The following MICU3 variants were observed in gnomAD, a reference collection of about 807,000 sequenced individuals.
MICU3 encodes mitochondrial calcium uptake 3.
Under a neutral mutation model 66.5 loss-of-function variants are expected in MICU3, and 62 were observed. That is an observed-to-expected ratio of 0.93 (90% CI 0.76 to 1.15). The LOEUF is 1.15. Ranked by LOEUF, MICU3 falls within the 50% of genes most tolerant of loss-of-function variation. The probability of loss-of-function intolerance (pLI) is 0.00; values close to 1 mark genes in which losing one functional copy is unlikely to be tolerated. For synonymous variants in MICU3, 308 were observed against 240.7 expected (o/e 1.28, Z -2.59); for missense variants, 779 against 664.4 (o/e 1.17, Z -1.90).
downstream of MICU3, among the ~76,000 whole-genome samples, chr8:17,126,572 T>A (rs1172561562): frequency 6.6e-6 from 1 of 152,198 alleles, no homozygotes; most frequent in East Asian, 1.9e-4. Context: ...TTATATTTAA[T>A]GAGCTGTTAT....
chr8:17,058,597 A>G (rs984925365), intron 1 of MICU3, among the ~76,000 whole-genome samples: 1 of 152,060 alleles, frequency 6.6e-6, no homozygotes, highest in Non-Finnish European at 1.5e-5. Context: ...GGTTTTTTTA[A>G]ACTTTGGAAA....
At chr8:17,116,700 T>C (rs1802714319) in intron 13 of MICU3, 100 bp downstream of exon 13, 2 of 902,284 alleles carry the variant, frequency 2.2e-6, no homozygotes, top group South Asian at 1.9e-5. Flanking sequence ...TTCTTAAGGA[T>C]ATAAACATGA....
the MICU3 span, chr8:17,132,720 G>A: frequency 6.6e-6 from 1 of 152,224 alleles, no homozygotes; most frequent in South Asian, 2.1e-4. Context: ...TAAGAACTCA[G>A]ATCTCTGAAA....
chr8:17,118,809 G>GT, intron 14 of MICU3, 34 bp downstream of exon 14: 1 of 1,235,562 alleles, frequency 8.1e-7, no homozygotes, highest in Non-Finnish European at 1.2e-6. Flanking sequence ...AATTTGTTCA[G>GT]TAACAATAGG....
the MICU3 span, among the ~76,000 whole-genome samples, chr8:17,135,764 C>T: frequency 6.6e-5 from 10 of 152,008 alleles, no homozygotes; most frequent in Admixed American, 3.3e-4. Context: ...AGAAAGTATC[C>T]TTTATTTCCT....
At chr8:17,029,969 T>G (rs1219639081) in intron 1 of MICU3, among the ~76,000 whole-genome samples, 1 of 152,200 alleles carries the variant, frequency 6.6e-6, no homozygotes, top group African/African-American at 2.4e-5. Flanking sequence ...TTTATTTGTT[T>G]TTATAGCAGA....
At position 17,067,461 on chromosome 8, in the gene MICU3, G is replaced by A. The variant is rs183913940; in HGVS notation, c.536-2227G>A. On this transcript the variant is annotated intron_variant, in intron 2 of 14. Coordinates refer to ENST00000318063, the MANE Select transcript of MICU3 (RefSeq NM_181723.3). Reference sequence around the variant, plus strand: ...TTTTTTTTTCCCCAAGAGGAGACTCGCTCTGTCAACTAGGCTGGACCGCAA... The same window carrying A: ...TTTTTTTTTCCCCAAGAGGAGACTCACTCTGTCAACTAGGCTGGACCGCAA... 7.3e-5 allele frequency among the ~76,000 whole-genome samples: 11 copies of A among 150,548 alleles called. No individual in the cohort carries two copies. In the East Asian group the frequency reaches 1.4e-3, roughly 19 times the overall value.
intron 6 of MICU3, among the ~76,000 whole-genome samples, chr8:17,086,380 G>A (rs1799470359): frequency 2.6e-5 from 4 of 152,038 alleles, no homozygotes; most frequent in Admixed American, 2.6e-4. Context: ...TTATCAGTAG[G>A]CTTAAACTCT....
chr8:17,137,505 A>G, the MICU3 span, among the ~76,000 whole-genome samples: 2 of 130,720 alleles, frequency 1.5e-5, no homozygotes, highest in African/African-American at 5.7e-5. Context: ...AAACCACACT[A>G]TTTCCTGCTT....
At chr8:17,089,713 G>A (rs907792944) in intron 7 of MICU3, among the ~76,000 whole-genome samples, 2 of 151,880 alleles carry the variant, frequency 1.3e-5, no homozygotes, top group East Asian at 1.9e-4. Context: ...TCATTTGTAC[G>A]ATGGGGGCAT....
intron 1 of MICU3, among the ~76,000 whole-genome samples, chr8:17,059,523 C>T (rs1274369319): frequency 3.3e-5 from 5 of 151,926 alleles, no homozygotes; most frequent in South Asian, 2.1e-4. Flanking sequence ...AATAAGGCAA[C>T]GAAAATGAGA....
intron 11 of MICU3, among the ~76,000 whole-genome samples, chr8:17,112,815 G>A (rs1310267341): frequency 6.6e-6 from 1 of 152,184 alleles, no homozygotes; most frequent in Non-Finnish European, 1.5e-5. Context: ...TATGGCAGCA[G>A]GTCGCAGCAT....
chr8:17,120,000 G>T (rs1238994256), intron 14 of MICU3, among the ~76,000 whole-genome samples: 2 of 152,106 alleles, frequency 1.3e-5, no homozygotes, highest in Admixed American at 6.6e-5. Flanking sequence ...GTCCACACAG[G>T]TAGTGTTCCC....
At chr8:17,115,396 C>T (rs1802589285) in intron 12 of MICU3, among the ~76,000 whole-genome samples, 2 of 152,118 alleles carry the variant, frequency 1.3e-5, no homozygotes, top group African/African-American at 4.8e-5. Flanking sequence ...ACAGACTAGC[C>T]ATTACTGCTG....
chr8:17,054,898 C>G (rs903461537), intron 1 of MICU3, among the ~76,000 whole-genome samples: 1 of 151,846 alleles, frequency 6.6e-6, no homozygotes, highest in Non-Finnish European at 1.5e-5. Flanking sequence ...GCCACCATGC[C>G]CGGCTAATTT....
the MICU3 span, among the ~76,000 whole-genome samples, chr8:17,130,097 G>T: frequency 6.6e-6 from 1 of 152,158 alleles, no homozygotes; most frequent in South Asian, 2.1e-4. Flanking sequence ...CTGCACACTG[G>T]AAGAGTTAAA....
intron 10 of MICU3, among the ~76,000 whole-genome samples, 199 bp downstream of exon 10, chr8:17,104,690 A>AT (rs1170921821): frequency 6.6e-6 from 1 of 151,740 alleles, no homozygotes; most frequent in African/African-American, 2.4e-5. Context: ...AAGTTACTGA[A>AT]TTTTTTTAAA....
intron 1 of MICU3, among the ~76,000 whole-genome samples, chr8:17,029,049 G>A (rs995761754): frequency 3.7e-4 from 56 of 152,242 alleles, no homozygotes; most frequent in African/African-American, 1.3e-3. Context: ...TCATTATGGA[G>A]AAATTACTTG....
rs1444900666 is a variant in MICU3, at chr8:17,090,576, A to G, written c.880A>G (p.Thr294Ala). Residue 294 changes from threonine to alanine, a missense_variant, in exon 8 of 15, where the codon ACT (threonine) becomes GCT (alanine). Physicochemically the swap from Thr to Ala is moderately conservative, Grantham distance 58. Transcript: ENST00000318063. The stretch of plus-strand genomic sequence containing the variant: ...TCAACTTTATGGATACCATTCTCCT[A>G]CTAATAGTGTATGTACAATACTTTA... The part of the protein sequence containing the change: ...RLQLYGYHSP[T>A]NSVLKTDAEE... 4 of 1,609,550 alleles carry G rather than the reference A, an allele frequency of 2.5e-6. No homozygotes were observed. Among genetic ancestry groups the G allele is most frequent in the Non-Finnish European group, 1.7e-6 (2 of 1,177,152 alleles).
Sources: allele counts gnomAD v4.1 joint callset (sites outside exome capture counted in the v4.1 genomes callset), GRCh38; gene constraint gnomAD v4.1.1; transcripts MANE v1.5; gene names NCBI Gene and HGNC (gene_info 2026-07-23, HGNC 2026-07-21).